Variants in CERS4 observed in about 807,000 individuals in gnomAD.
CERS4 encodes LAG1 homolog, ceramide synthase 4.
CERS4 carries 65 observed loss-of-function variants against 51.8 expected under a neutral mutation model. The ratio of observed to expected loss-of-function variants is 1.26; its 90% CI spans 1.03 to 1.54. The LOEUF is 1.54. CERS4 is among the 40% of genes most tolerant of loss of function. The pLI, the probability that CERS4 is intolerant of heterozygous loss-of-function variation, is 0.00. For missense variants in CERS4, 563 were observed against 500.4 expected (o/e 1.13, Z -1.19); for synonymous variants, 228 against 208.4 (o/e 1.09, Z -0.81).
At chr19:8,223,658 C>T (rs2336168) in intron 2 of CERS4, among the ~76,000 whole-genome samples, 119,878 of 151,874 alleles carry the variant, frequency 0.79, 47,510 homozygotes, top group African/African-American at 0.85. Flanking sequence ...TGGCAGTGCA[C>T]GCCTATAATC....
chr19:8,262,375 G>A lies in CERS4; in HGVS notation c.*266G>A. ...TCCAGGCTGTGGCCTGGGGGCTGGG[G>A]GGAGCCCCAGGCTGAAAAGGGTCCA... On this transcript the variant is annotated 3_prime_UTR_variant, in exon 12 of 12. Transcript: ENST00000251363. The A allele has an allele frequency of 2.6e-6, 1 of 387,590 alleles. No homozygotes were observed. The highest frequency in any genetic ancestry group is 4.6e-6 in the Non-Finnish European group (1 of 219,472). The allele number at this position is 387,590 out of a possible 1,614,324, so 24.0% of individuals were successfully genotyped here.
chr19:8,251,393 C>T (rs1444528975), intron 3 of CERS4, 144 bp downstream of exon 3: 2 of 1,362,528 alleles, frequency 1.5e-6, no homozygotes, highest in African/African-American at 1.5e-5. Context: ...CAGCCTGCCC[C>T]CAGCCGCCAC....
chr19:8,256,583 C>T (rs750472872), intron 7 of CERS4, 35 bp from the exon 8 acceptor site: 12 of 1,582,936 alleles, frequency 7.6e-6, no homozygotes, highest in Non-Finnish European at 9.4e-6. Flanking sequence ...GGAGCCTTCG[C>T]TCCCCACAGC....
At chr19:8,235,771 G>A (rs966322667) in intron 2 of CERS4, among the ~76,000 whole-genome samples, 4 of 151,958 alleles carry the variant, frequency 2.6e-5, no homozygotes, top group Non-Finnish European at 5.9e-5. Flanking sequence ...GCATGTGTCT[G>A]TGGTTCCAGC....
At chr19:8,261,099 A>C (rs933986713) in intron 10 of CERS4, 4 of 153,690 alleles carry the variant, frequency 2.6e-5, no homozygotes, top group African/African-American at 9.6e-5. Context: ...ATTCTTTCCA[A>C]CTGGCTTGGG....
At chr19:8,219,784 A>C (rs1568499332) in intron 2 of CERS4, among the ~76,000 whole-genome samples, 1 of 151,874 alleles carries the variant, frequency 6.6e-6, no homozygotes, top group Non-Finnish European at 1.5e-5. Flanking sequence ...GTGCTTCTGC[A>C]CTCCAGCCTG....
intron 10 of CERS4, among the ~76,000 whole-genome samples, chr19:8,258,318 C>A (rs1969504230): frequency 6.6e-6 from 1 of 152,192 alleles, no homozygotes; most frequent in South Asian, 2.1e-4. Flanking sequence ...AAGATCCCGG[C>A]CCTTGTGAGC....
At chr19:8,219,511 A>G (rs1419582134) in intron 2 of CERS4, among the ~76,000 whole-genome samples, 4 of 152,094 alleles carry the variant, frequency 2.6e-5, no homozygotes, top group Non-Finnish European at 4.4e-5. Context: ...TAAAAAATAT[A>G]TATTTTAAAA....
chr19:8,253,450 T>C (rs1180997500), intron 3 of CERS4, among the ~76,000 whole-genome samples: 2 of 72,068 alleles, frequency 2.8e-5, no homozygotes, highest in Non-Finnish European at 5.8e-5. Context: ...TCCAGCTGCC[T>C]TTTTTTTTTT....
chr19:8,257,946 TTGTC>T lies in CERS4; in HGVS notation c.811_814del (p.Val271SerfsTer38). 6.2e-7 allele frequency: 1 copy of T among 1,613,950 alleles called. No homozygotes were observed. The highest frequency in any genetic ancestry group is 1.1e-5 in the South Asian group (1 of 91,082). ...GACGCTCTCTTCCTCATCTTCTCCT[TTGTC>T]TTCTTCTACACCCGACTGGTCCTCT... On this transcript the variant is annotated frameshift_variant, in exon 10 of 12. Coordinates refer to ENST00000251363, the MANE Select transcript of CERS4 (RefSeq NM_024552.3). LOFTEE classifies it high-confidence loss of function.
chr19:8,219,080 G>A (rs923727185), intron 2 of CERS4, among the ~76,000 whole-genome samples: 8 of 152,116 alleles, frequency 5.3e-5, no homozygotes, highest in African/African-American at 1.2e-4. Flanking sequence ...GGTGGCGGGC[G>A]CCTGTATTCC....
Position 8,255,897 on chromosome 19 carries a change from T to C in CERS4, c.468+18T>C. The C allele has an allele frequency of 6.2e-7, 1 of 1,613,164 alleles. No individual in the cohort carries two copies. Among genetic ancestry groups the C allele is most frequent in the African/African-American group, 1.3e-5 (1 of 75,012 alleles). ...TGTACCACGTGAGTATACCAGAGTA[T>C]AGCTGACTGCTCACCTGCCCCATCC... On this transcript the variant is annotated intron_variant, in intron 6 of 11. Transcript: ENST00000251363.
intron 2 of CERS4, among the ~76,000 whole-genome samples, chr19:8,236,314 CAT>C (rs1968251437): frequency 6.6e-6 from 1 of 152,184 alleles, no homozygotes; most frequent in Non-Finnish European, 1.5e-5. Flanking sequence ...CCTAACATGA[CAT>C]ATGCGTTAGT....
In CERS4 at chr19:8,230,221, C is replaced by T. The variant is rs575464047; in HGVS notation, c.-2+19359C>T. On this transcript the variant is annotated intron_variant, in intron 2 of 11. Coordinates refer to ENST00000251363, the MANE Select transcript of CERS4 (RefSeq NM_024552.3). ...TTTTCTTTTTTTTGAGACGGAGTCTCGCCTGAGCTGGAGCACAGTGGTGCG... is the reference window on the plus strand; with the variant it reads ...TTTTCTTTTTTTTGAGACGGAGTCTTGCCTGAGCTGGAGCACAGTGGTGCG... Among the ~76,000 whole-genome samples the T allele has an allele frequency of 8.6e-5, 13 of 151,110 alleles. No individual in the cohort carries two copies. In the South Asian group the frequency reaches 2.1e-3, roughly 24 times the overall value.
At chr19:8,226,786 A>C (rs1382965379) in intron 2 of CERS4, among the ~76,000 whole-genome samples, 1 of 152,118 alleles carries the variant, frequency 6.6e-6, no homozygotes, top group African/African-American at 2.4e-5. Context: ...TGAGGTCAAG[A>C]GTTCGAGACC....
intron 2 of CERS4, among the ~76,000 whole-genome samples, chr19:8,245,135 A>ACAAAAAAAACAAACAAAAAAAC (rs1568523569): frequency 6.7e-6 from 1 of 150,092 alleles, no homozygotes; most frequent in African/African-American, 2.5e-5. Context: ...AAAAAAAAAA[A>ACAAAAAAAACAAACAAAAAAAC]CACTCTTGGC....
At position 8,262,270 on chromosome 19, in the gene CERS4, C is replaced by T. The variant is rs113714656; in HGVS notation, c.*161C>T. 3.3e-5 allele frequency: 23 copies of T among 696,810 alleles called. No homozygotes were observed. The African/African-American group carries it at 3.5e-4, about 11-fold the overall frequency. The allele number at this position is 696,810 out of a possible 1,614,324, so 43.2% of individuals were successfully genotyped here. ...ATCTGTCTCCAGCCCCTTCCTTCTG[C>T]CCACCCACCCTTCTTCCCTCTGGGC... On this transcript the variant is annotated 3_prime_UTR_variant, in exon 12 of 12. Coordinates refer to ENST00000251363, the MANE Select transcript of CERS4 (RefSeq NM_024552.3).
chr19:8,251,500 T>C (rs1472680708), intron 3 of CERS4, among the ~76,000 whole-genome samples: 1 of 152,192 alleles, frequency 6.6e-6, no homozygotes, highest in African/African-American at 2.4e-5. Context: ...CAGCTGGGTA[T>C]GCCAGCATCT....
intron 2 of CERS4, among the ~76,000 whole-genome samples, chr19:8,231,839 A>G (rs1265539577): frequency 7.9e-6 from 1 of 126,050 alleles, no homozygotes; most frequent in African/African-American, 3.3e-5. Context: ...AGCATGAGGC[A>G]CTGTGCCCAG....
Sources: allele counts gnomAD v4.1 joint callset (sites outside exome capture counted in the v4.1 genomes callset), GRCh38; gene constraint gnomAD v4.1.1; transcripts MANE v1.5; gene names NCBI Gene and HGNC (gene_info 2026-07-23, HGNC 2026-07-21).